The following DNAH7 variants were observed in gnomAD, a reference collection of about 807,000 sequenced individuals.
DNAH7 encodes dynein axonemal heavy chain 7.
A neutral mutation model predicts 444.6 loss-of-function variants in DNAH7; 397 were observed. The observed-to-expected ratio is 0.89, with a 90% confidence interval of 0.82 to 0.97. DNAH7 has a LOEUF of 0.97. Among genes scored for constraint, DNAH7 ranks in the 50% least tolerant of loss-of-function variants. DNAH7 has a pLI of 0.00. For missense variants in DNAH7, 4,902 were observed against 4,800.8 expected (o/e 1.02, Z -0.62); for synonymous variants, 1,636 against 1,624.4 (o/e 1.01, Z -0.17).
intron 22 of DNAH7, among the ~76,000 whole-genome samples, chr2:195,925,819 CACTT>C (rs1009530530): frequency 1.2e-4 from 18 of 152,266 alleles, no homozygotes; most frequent in African/African-American, 4.3e-4. Context: ...AAAGCTGACT[CACTT>C]AAAATCCTAT....
chr2:195,937,130 T>A (rs1054996259), intron 19 of DNAH7, among the ~76,000 whole-genome samples: 1 of 152,162 alleles, frequency 6.6e-6, no homozygotes, highest in African/African-American at 2.4e-5. Context: ...TTCTTTTGTA[T>A]TTTATTCTTT....
Position 196,068,778 on chromosome 2 carries a change from G to A in DNAH7, c.-67C>T, listed in dbSNP as rs536564881. On this transcript the variant is annotated 5_prime_UTR_variant, in exon 1 of 65. Coordinates refer to ENST00000312428, the MANE Select transcript of DNAH7 (RefSeq NM_018897.3). Reference sequence around the variant, plus strand: ...CTCCTGCCCGCGGAACCCCTAGGACGATAGAGGCAGGGCCCCGGGACTTGC... The same window carrying A: ...CTCCTGCCCGCGGAACCCCTAGGACAATAGAGGCAGGGCCCCGGGACTTGC... 50 of 1,540,224 alleles carry A rather than the reference G, an allele frequency of 3.2e-5. No homozygotes were observed. In the African/African-American group the frequency reaches 4.5e-4, roughly 14 times the overall value.
chr2:195,875,722 A>G lies in DNAH7; in HGVS notation c.6239T>C (p.Met2080Thr), dbSNP rs1052641732. The G allele has an allele frequency of 5.6e-6, 9 of 1,610,748 alleles. No homozygotes were observed. In the African/African-American group the frequency reaches 1.1e-4, roughly 19 times the overall value. Residue 2080 changes from methionine to threonine, a missense_variant, in exon 38 of 65, where the codon ATG becomes ACG. By Grantham distance (81) the Met-to-Thr change is moderately conservative. Transcript: ENST00000312428. ...WNWYDLKDCS[M>T]IKLVDIQIMC... ...GATCTGAATGTCCACTAGTTTAATC[A>G]TGGAACAATCTTTTAGATCATACCA...
chr2:196,023,395 C>A (rs970669318), intron 8 of DNAH7, among the ~76,000 whole-genome samples: 1 of 152,196 alleles, frequency 6.6e-6, no homozygotes, highest in African/African-American at 2.4e-5. Flanking sequence ...TCTGGTATTT[C>A]TTTAAGGCAA....
chr2:196,045,336 G>A (rs1355013022), intron 5 of DNAH7, among the ~76,000 whole-genome samples: 1 of 151,116 alleles, frequency 6.6e-6, no homozygotes, highest in Non-Finnish European at 1.5e-5. Context: ...AAAAGAGGGA[G>A]GAAGGGAGGG....
chr2:195,758,666 T>G (rs181104642), intron 61 of DNAH7, among the ~76,000 whole-genome samples: 2 of 152,284 alleles, frequency 1.3e-5, no homozygotes, highest in African/African-American at 4.8e-5. Flanking sequence ...CAGTCTTGAA[T>G]TGCTGATGCC....
intron 48 of DNAH7, among the ~76,000 whole-genome samples, chr2:195,825,522 C>T (rs562508574): frequency 6.6e-6 from 1 of 152,066 alleles, no homozygotes; most frequent in South Asian, 2.1e-4. Flanking sequence ...AACCAGTATT[C>T]AATTATTAGA....
intron 46 of DNAH7, among the ~76,000 whole-genome samples, chr2:195,852,205 C>T (rs1347303246): frequency 1.3e-5 from 2 of 152,046 alleles, no homozygotes; most frequent in African/African-American, 2.4e-5. Context: ...TTGCAGAGAG[C>T]CGAGATCGCA....
chr2:195,871,118 A>C (rs1168146305), intron 40 of DNAH7, among the ~76,000 whole-genome samples: 1 of 152,194 alleles, frequency 6.6e-6, no homozygotes, highest in Non-Finnish European at 1.5e-5. Flanking sequence ...GTTGTGGCCA[A>C]AACATGCAAG....
At position 196,068,720 on chromosome 2, in the gene DNAH7, G is replaced by A. The variant is rs1483305343; in HGVS notation, c.-9C>T. 5 of 1,551,306 alleles carry A rather than the reference G, an allele frequency of 3.2e-6. No individual in the cohort carries two copies. Among genetic ancestry groups the A allele is most frequent in the Non-Finnish European group, 1.7e-6 (2 of 1,147,366 alleles). On this transcript the variant is annotated 5_prime_UTR_variant, in exon 1 of 65. Coordinates refer to ENST00000312428, the MANE Select transcript of DNAH7 (RefSeq NM_018897.3). ...ACCTGCTCACTGCTCATGGCTGCGA[G>A]GACGCGCTGGCCTCACCGGTGCTTC...
In DNAH7 at chr2:196,058,112, T is replaced by A. The variant is rs72917299; in HGVS notation, c.20A>T (p.Lys7Ile). ...CTTGGATTTTTCTTTGCTGGCCGAT[T>A]TATCCTGTATGAAAAACATGAAAAA... MSSEQD[K>I]SASKEKSKKP... Residue 7 changes from lysine (K) to isoleucine (I), a missense_variant, in exon 2 of 65, where the codon AAA (lysine) becomes ATA (isoleucine). Lys to Ile is a moderately radical substitution (Grantham distance 102). Coordinates refer to ENST00000312428, the MANE Select transcript of DNAH7 (RefSeq NM_018897.3). The A allele has an allele frequency of 0.013, 21,026 of 1,584,364 alleles. 218 individuals carry two copies. The highest frequency in any genetic ancestry group is 0.015 in the Non-Finnish European group (17,375 of 1,166,486).
chr2:195,987,661 C>T (rs188911400), intron 13 of DNAH7, among the ~76,000 whole-genome samples: 222 of 152,050 alleles, frequency 1.5e-3, no homozygotes, highest in Admixed American at 5.0e-3. Flanking sequence ...GATTTATAAA[C>T]ACTAAGGCAA....
At chr2:196,029,201 G>A (rs1336063571) in intron 5 of DNAH7, among the ~76,000 whole-genome samples, 1 of 152,130 alleles carries the variant, frequency 6.6e-6, no homozygotes, top group African/African-American at 2.4e-5. Flanking sequence ...CAGGAATCAG[G>A]AAATCTGGGT....
chr2:196,052,615 T>C (rs1487343265), intron 2 of DNAH7, among the ~76,000 whole-genome samples: 1 of 152,234 alleles, frequency 6.6e-6, no homozygotes, highest in Non-Finnish European at 1.5e-5. Flanking sequence ...TTATGCCTAT[T>C]ACGTAGATAA....
At chr2:195,891,515 G>T in intron 31 of DNAH7, 140 bp downstream of exon 31, 1 of 739,070 alleles carries the variant, frequency 1.4e-6, no homozygotes, top group Non-Finnish European at 1.9e-6. Context: ...CAGAAATACT[G>T]CCAGAATATC....
intron 39 of DNAH7, 38 bp from the exon 40 acceptor site, chr2:195,872,507 A>C: frequency 7.1e-7 from 1 of 1,399,242 alleles, no homozygotes; most frequent in Non-Finnish European, 9.8e-7. Flanking sequence ...GGAAAATGTT[A>C]GCAATTATAG....
At chr2:195,950,418 G>A (rs1690140715) in intron 19 of DNAH7, among the ~76,000 whole-genome samples, 1 of 152,132 alleles carries the variant, frequency 6.6e-6, no homozygotes, top group African/African-American at 2.4e-5. Context: ...TAATCTCTGT[G>A]ATGGTAGTTT....
Position 196,019,272 on chromosome 2 carries a change from C to A in DNAH7, c.767G>T (p.Trp256Leu). Residue 256 changes from tryptophan to leucine, a missense_variant, in exon 9 of 65, where the codon TGG (tryptophan) becomes TTG (leucine). Trp to Leu is a moderately conservative substitution (Grantham distance 61, BLOSUM62 -2). Transcript: ENST00000312428. Reference sequence around the variant, plus strand: ...GCTTGCAGCTAAAAAAGATTTCCTCCAAGGTTTTGGCAGAATTTCCATTCT... The same window carrying A: ...GCTTGCAGCTAAAAAAGATTTCCTCAAAGGTTTTGGCAGAATTTCCATTCT... ...RAEMEILPKP[W>L]RKSFLAASSY... 6.7e-7 allele frequency: 1 copy of A among 1,495,734 alleles called. No individual in the cohort carries two copies. The highest frequency in any genetic ancestry group is 1.5e-5 in the South Asian group (1 of 68,736). 92.7% of individuals were successfully genotyped at this position (1,495,734 alleles called of 1,614,324 possible).
intron 63 of DNAH7, among the ~76,000 whole-genome samples, chr2:195,746,741 T>C (rs535159182): frequency 0.061 from 9,335 of 152,252 alleles, 393 homozygotes; most frequent in African/African-American, 0.12. Context: ...TGCTCCTGAA[T>C]GACTACTGGG....
Sources: allele counts gnomAD v4.1 joint callset (sites outside exome capture counted in the v4.1 genomes callset), GRCh38; gene constraint gnomAD v4.1.1; transcripts MANE v1.5; gene names NCBI Gene and HGNC (gene_info 2026-07-23, HGNC 2026-07-21).